The following COL18A1 variants were observed in gnomAD, a reference collection of about 807,000 sequenced individuals.
The protein encoded by COL18A1 is collagen alpha-1(XVIII) chain.
COL18A1 carries 133 observed loss-of-function variants against 168.0 expected under a neutral mutation model. The observed-to-expected ratio is 0.79, with a 90% CI of 0.69 to 0.91. The LOEUF (loss-of-function observed/expected upper bound fraction) is 0.91. Ranked by LOEUF, COL18A1 falls within the 40% of genes least tolerant of loss-of-function variation. The pLI is 0.00. For missense variants in COL18A1, 2,126 were observed against 1,925.4 expected (o/e 1.10, Z -1.95); for synonymous variants, 949 against 809.0 (o/e 1.17, Z -2.94).
At chr21:45,481,243 C>A (rs946184564) in intron 13 of COL18A1, among the ~76,000 whole-genome samples, 1 of 152,168 alleles carries the variant, frequency 6.6e-6, no homozygotes, top group South Asian at 2.1e-4. Context: ...CAACGCGGCT[C>A]GTAGGGTCTC....
Position 45,472,978 on chromosome 21 carries a change from C to T in COL18A1, c.652-917C>T, listed in dbSNP as rs150389360. On this transcript the variant is annotated intron_variant, in intron 3 of 41. Coordinates refer to ENST00000651438, the MANE Select transcript of COL18A1 (RefSeq NM_001379500.1). ...GCCTGGGCTTTGGGGGCCCAGCCGG[C>T]ATGGGGAGCCCCAGGCTCCAGCTGG... is the stretch of plus-strand genomic sequence containing the variant. Among the ~76,000 whole-genome samples the T allele has an allele frequency of 4.2e-3, 641 of 152,346 alleles. 9 individuals are homozygous for T. Among genetic ancestry groups the T allele is most frequent in the African/African-American group, 0.015 (620 of 41,596 alleles).
chr21:45,477,796 C>G lies in COL18A1; in HGVS notation c.1052C>G (p.Pro351Arg). The change falls in exon 8 of 42, where the codon CCT becomes CGT. Residue 351 changes from proline (P) to arginine (R), a missense_variant. Coordinates refer to ENST00000651438, the MANE Select transcript of COL18A1 (RefSeq NM_001379500.1). ...GGGGAGCCAGGTGTTCCGGGCCCAC[C>G]TGGCCGGGCAGGCCCCCCAGGATCC... Reference protein sequence around the residue: ...QKGEPGVPGPPGRAGPPGSPC... With the variant: ...QKGEPGVPGPRGRAGPPGSPC... The G allele has an allele frequency of 1.9e-6, 3 of 1,548,914 alleles. No homozygotes were observed. Among genetic ancestry groups the G allele is most frequent in the Non-Finnish European group, 2.6e-6 (3 of 1,146,184 alleles).
chr21:45,496,539 CCTCCAGGGA>C lies in COL18A1; in HGVS notation c.2553_2561del (p.Gly852_Pro854del), dbSNP rs2036549827. On this transcript the variant is annotated inframe_deletion, in exon 30 of 42. Coordinates refer to ENST00000651438, the MANE Select transcript of COL18A1 (RefSeq NM_001379500.1). ...CCCAGGACCTCCAGGGCCCCCAGGC[CCTCCAGGGA>C]CTCCTGTTTACGACAGCAATGTAAG... 3.3e-6 allele frequency: 5 copies of C among 1,527,384 alleles called. No individual in the cohort carries two copies. Among genetic ancestry groups the C allele is most frequent in the Non-Finnish European group, 4.5e-6 (5 of 1,101,964 alleles). The allele number at this position is 1,527,384 out of a possible 1,614,324, so 94.6% of individuals were successfully genotyped here.
At chr21:45,477,530 G>T in intron 7 of COL18A1, 43 bp downstream of exon 7, 1 of 1,552,970 alleles carries the variant, frequency 6.4e-7, no homozygotes, top group Non-Finnish European at 8.8e-7. Flanking sequence ...CTGAACCAGA[G>T]CACCTGTGGC....
In COL18A1 at chr21:45,468,269, T is replaced by C. The variant is rs763647573; in HGVS notation, c.134T>C (p.Leu45Pro). ...CGCATCAGCGAGGAGGTGGGGCTGC[T>C]GCAGCTCCTTGGGGACCCCCCGCCC... ...PERISEEVGL[L>P]QLLGDPPPQQ... Residue 45 changes from leucine to proline, a missense_variant, in exon 3 of 42, where the codon CTG becomes CCG. By Grantham distance (98) the Leu-to-Pro change is moderately conservative. Coordinates refer to ENST00000651438, the MANE Select transcript of COL18A1 (RefSeq NM_001379500.1). 1.8e-5 allele frequency: 29 copies of C among 1,612,998 alleles called. No homozygotes were observed. The highest frequency in any genetic ancestry group is 2.1e-5 in the Non-Finnish European group (25 of 1,180,030).
intron 2 of COL18A1, among the ~76,000 whole-genome samples, chr21:45,406,069 C>T (rs1475915761): frequency 6.6e-6 from 1 of 152,186 alleles, no homozygotes; most frequent in Non-Finnish European, 1.5e-5. Flanking sequence ...GCTGCCCCGC[C>T]GGCCTCGCCG....
At chr21:45,451,851 C>G (rs915904927) in intron 2 of COL18A1, among the ~76,000 whole-genome samples, 1 of 152,224 alleles carries the variant, frequency 6.6e-6, no homozygotes, top group Admixed American at 6.5e-5. Context: ...TCCATGGGCC[C>G]TCTTCCTCCT....
chr21:45,412,074 G>A (rs1215714691), intron 2 of COL18A1, among the ~76,000 whole-genome samples: 1 of 152,202 alleles, frequency 6.6e-6, no homozygotes, highest in South Asian at 2.1e-4. Flanking sequence ...TGGGAATGCC[G>A]GGTTTGTGGC....
chr21:45,437,288 GCACACACA>G (rs1336041353), intron 2 of COL18A1, among the ~76,000 whole-genome samples: 1 of 86,058 alleles, frequency 1.2e-5, no homozygotes, highest in African/African-American at 5.7e-5. Context: ...GCACTCTCCT[GCACACACA>G]CACACTCACA....
intron 16 of COL18A1, 77 bp from the exon 17 acceptor site, chr21:45,487,370 G>A (rs866677774): frequency 3.8e-5 from 59 of 1,548,718 alleles, no homozygotes; most frequent in African/African-American, 3.1e-4. Flanking sequence ...CCCTCCTCTC[G>A]GGCAGTGCCA....
chr21:45,487,389 AGGGGTC>A, intron 16 of COL18A1, 52 bp from the exon 17 acceptor site: 1 of 1,589,250 alleles, frequency 6.3e-7, no homozygotes, highest in Non-Finnish European at 8.6e-7. Flanking sequence ...CACCCCAGGG[AGGGGTC>A]CTTCCCTAAG....
intron 19 of COL18A1, among the ~76,000 whole-genome samples, chr21:45,489,760 C>T (rs903363512): frequency 1.3e-5 from 2 of 151,580 alleles, no homozygotes; most frequent in African/African-American, 4.8e-5. Context: ...TCCTCCCTCC[C>T]GGCTGTCTGG....
chr21:45,428,099 A>G (rs1569282580), intron 2 of COL18A1, among the ~76,000 whole-genome samples: 2 of 152,104 alleles, frequency 1.3e-5, no homozygotes, highest in African/African-American at 4.8e-5. Context: ...GACTGCCCCC[A>G]TCCCTCTGTG....
chr21:45,412,169 C>T (rs552542919), intron 2 of COL18A1, among the ~76,000 whole-genome samples: 12 of 151,386 alleles, frequency 7.9e-5, no homozygotes, highest in East Asian at 5.8e-4. Context: ...TCCTATTTTG[C>T]GTACTTTTAT....
chr21:45,431,864 G>A (rs1480008013), intron 2 of COL18A1, among the ~76,000 whole-genome samples: 4 of 152,298 alleles, frequency 2.6e-5, no homozygotes, highest in South Asian at 4.1e-4. Context: ...GGTACCAGGC[G>A]GGTGAGTGGG....
intron 2 of COL18A1, among the ~76,000 whole-genome samples, chr21:45,455,215 C>T (rs572727221): frequency 6.4e-4 from 97 of 152,356 alleles, no homozygotes; most frequent in African/African-American, 2.2e-3. Flanking sequence ...AGCCCTGCCC[C>T]GGCAGAGCCT....
intron 3 of COL18A1, among the ~76,000 whole-genome samples, chr21:45,470,666 T>C (rs1045553989): frequency 6.6e-5 from 10 of 152,166 alleles, no homozygotes; most frequent in African/African-American, 2.4e-4. Flanking sequence ...TTTGTATTTT[T>C]AGTAGAGACG....
intron 14 of COL18A1, chr21:45,482,354 GC>G: frequency 1.5e-6 from 1 of 680,756 alleles, no homozygotes; most frequent in East Asian, 2.9e-5. Context: ...AGGAGCCGGG[GC>G]CCCAGGCGTT....
intron 26 of COL18A1, chr21:45,494,055 G>C (rs745455560): frequency 6.9e-6 from 2 of 290,872 alleles, no homozygotes; most frequent in African/African-American, 4.3e-5. Flanking sequence ...GGAGGGTCCT[G>C]GGGAGAAGCC....
Sources: gnomAD v4.1 joint callset for allele counts (sites outside exome capture counted in the v4.1 genomes callset) on GRCh38, gnomAD v4.1.1 for gene constraint, MANE v1.5 for transcripts, NCBI Gene and HGNC (gene_info 2026-07-23, HGNC 2026-07-21) for gene names.